Variants in GRM5 observed in about 807,000 individuals in gnomAD.
GRM5 encodes glutamate metabotropic receptor 5.
GRM5 carries 19 observed loss-of-function variants against 83.1 expected under a neutral mutation model. That is an observed-to-expected ratio of 0.23 (90% CI 0.16 to 0.34). GRM5 has a LOEUF of 0.34. Among genes scored for constraint, GRM5 ranks in the 10% least tolerant of loss-of-function variants. GRM5 has a pLI of 1.00. For missense variants in GRM5, 1,160 were observed against 1,588.3 expected (o/e 0.73, Z 4.58); for synonymous variants, 675 against 633.6 (o/e 1.07, Z -0.98).
At chr11:88,994,610 G>GAAAA (rs58691405) in intron 2 of GRM5, among the ~76,000 whole-genome samples, 3 of 89,856 alleles carry the variant, frequency 3.3e-5, no homozygotes, top group South Asian at 3.7e-4. Context: ...AAGCATTACA[G>GAAAA]AAAAAAAAAA....
At chr11:88,898,896 A>G (rs1385942808) in intron 2 of GRM5, among the ~76,000 whole-genome samples, 1 of 152,026 alleles carries the variant, frequency 6.6e-6, no homozygotes, top group Non-Finnish European at 1.5e-5. Flanking sequence ...CAAGTAAAGG[A>G]CTAAATGGAA....
chr11:88,919,241 T>TATATAG (rs1555041192), intron 2 of GRM5, among the ~76,000 whole-genome samples: 1 of 70,208 alleles, frequency 1.4e-5, no homozygotes, highest in Non-Finnish European at 4.1e-5. Context: ...GGAGTAGCTA[T>TATATAG]ATATATATAT....
intron 2 of GRM5, among the ~76,000 whole-genome samples, chr11:88,965,444 C>T (rs897893107): frequency 2.0e-5 from 3 of 152,124 alleles, no homozygotes; most frequent in African/African-American, 7.2e-5. Flanking sequence ...ACCCTACCTC[C>T]AAATACCATT....
At chr11:88,618,394 T>C (rs1371884260) in intron 4 of GRM5, among the ~76,000 whole-genome samples, 1 of 152,230 alleles carries the variant, frequency 6.6e-6, no homozygotes, top group Non-Finnish European at 1.5e-5. Context: ...TTTCTTTAAA[T>C]GATTTAGTAG....
At chr11:89,012,737 C>T (rs370876409) in intron 2 of GRM5, among the ~76,000 whole-genome samples, 1 of 152,108 alleles carries the variant, frequency 6.6e-6, no homozygotes, top group South Asian at 2.1e-4. Context: ...CAAACATTAA[C>T]GTTAAAAGAG....
chr11:88,883,444 C>T (rs1944993827), intron 2 of GRM5, among the ~76,000 whole-genome samples: 1 of 152,100 alleles, frequency 6.6e-6, no homozygotes, highest in Admixed American at 6.5e-5. Context: ...GAACTTTCAA[C>T]TTGAGAGAGA....
At chr11:89,002,351 G>C (rs528935683) in intron 2 of GRM5, among the ~76,000 whole-genome samples, 2 of 152,214 alleles carry the variant, frequency 1.3e-5, no homozygotes, top group Non-Finnish European at 2.9e-5. Context: ...CACTGATTTT[G>C]TTATTCAAGA....
intron 4 of GRM5, among the ~76,000 whole-genome samples, chr11:88,616,445 T>G (rs1938489134): frequency 1.4e-5 from 2 of 138,840 alleles, no homozygotes; most frequent in Non-Finnish European, 1.5e-5. Context: ...TGATTTTCAT[T>G]AAAAATTTTT....
chr11:88,851,183 A>G (rs1453175290), intron 2 of GRM5, among the ~76,000 whole-genome samples: 1 of 152,170 alleles, frequency 6.6e-6, no homozygotes, highest in Non-Finnish European at 1.5e-5. Context: ...TCAGAGTGAC[A>G]ATTCTCCAAT....
intron 4 of GRM5, among the ~76,000 whole-genome samples, chr11:88,652,440 C>G (rs868014904): frequency 6.0e-4 from 91 of 152,088 alleles, no homozygotes; most frequent in Admixed American, 1.8e-3. Flanking sequence ...AATATTAACC[C>G]AAGCTCTTAT....
chr11:88,815,658 A>T (rs1943662501), intron 3 of GRM5, among the ~76,000 whole-genome samples: 1 of 152,188 alleles, frequency 6.6e-6, no homozygotes, highest in Admixed American at 6.5e-5. Context: ...TCACAAGGTG[A>T]TAGAGGAAAC....
intron 2 of GRM5, among the ~76,000 whole-genome samples, chr11:89,010,178 C>G (rs1940657286): frequency 6.6e-6 from 1 of 151,690 alleles, no homozygotes. Flanking sequence ...AGATCATGGC[C>G]TATTATACAC....
At chr11:88,728,919 C>G (rs146772471) in intron 3 of GRM5, among the ~76,000 whole-genome samples, 9,090 of 152,204 alleles carry the variant, frequency 0.06, 231 homozygotes, top group Middle Eastern at 0.099. Context: ...CAATATCACA[C>G]TGAATAGGCA....
intron 4 of GRM5, among the ~76,000 whole-genome samples, chr11:88,645,992 G>T (rs760138721): frequency 1.1e-4 from 17 of 152,040 alleles, no homozygotes; most frequent in Non-Finnish European, 2.2e-4. Context: ...AAAGTTTGAG[G>T]TGGTGGTTAT....
At chr11:88,739,797 T>C (rs1337874257) in intron 3 of GRM5, among the ~76,000 whole-genome samples, 7 of 152,076 alleles carry the variant, frequency 4.6e-5, no homozygotes, top group Admixed American at 4.6e-4. Context: ...GTGGGTCAAT[T>C]AAACCTCTTT....
chr11:88,861,648 G>T (rs899736568), intron 2 of GRM5, among the ~76,000 whole-genome samples: 1 of 151,726 alleles, frequency 6.6e-6, no homozygotes, highest in African/African-American at 2.4e-5. Flanking sequence ...GTATTTTTTT[G>T]TAGAGACTAA....
intron 3 of GRM5, among the ~76,000 whole-genome samples, chr11:88,832,925 G>T (rs998368126): frequency 6.6e-6 from 1 of 152,046 alleles, no homozygotes; most frequent in African/African-American, 2.4e-5. Flanking sequence ...GCAGAAGACA[G>T]AAACAGGACC....
intron 3 of GRM5, among the ~76,000 whole-genome samples, chr11:88,780,484 G>A (rs1942953162): frequency 6.6e-6 from 1 of 152,130 alleles, no homozygotes; most frequent in African/African-American, 2.4e-5. Flanking sequence ...ACCTTAGCTT[G>A]TGGGTGAGTC....
intron 3 of GRM5, among the ~76,000 whole-genome samples, chr11:88,746,894 A>G (rs1942156469): frequency 6.6e-6 from 1 of 152,144 alleles, no homozygotes; most frequent in African/African-American, 2.4e-5. Context: ...CCAAAAATCA[A>G]TGAAGCATAT....
Sources: gnomAD v4.1 joint callset for allele counts (sites outside exome capture counted in the v4.1 genomes callset) on GRCh38, gnomAD v4.1.1 for gene constraint, MANE v1.5 for transcripts, NCBI Gene and HGNC (gene_info 2026-07-23, HGNC 2026-07-21) for gene names.